ZAR1L: variants seen among roughly 807,000 people sequenced by gnomAD.
The protein encoded by ZAR1L is protein ZAR1-like.
In ZAR1L, 16 loss-of-function variants were observed where a neutral mutation model predicts 30.0. The observed-to-expected ratio is 0.53, with a 90% CI of 0.36 to 0.81. ZAR1L has a LOEUF of 0.81. Ranked by LOEUF, ZAR1L falls within the 30% of genes least tolerant of loss-of-function variation. The pLI is 0.00. For missense variants in ZAR1L, 392 were observed against 417.2 expected, an observed-to-expected ratio of 0.94 and a Z score of 0.53; for synonymous variants, 197 against 166.8, an observed-to-expected ratio of 1.18 and a Z score of -1.40.
chr13:32,307,654 G>A (rs1309257603), intron 5 of ZAR1L, among the ~76,000 whole-genome samples: 1 of 150,584 alleles, frequency 6.6e-6, no homozygotes. Context: ...GCGAACACAA[G>A]AGAAAAGAAA....
chr13:32,304,368 A>G (rs2072159117), intron 5 of ZAR1L, among the ~76,000 whole-genome samples: 1 of 152,248 alleles, frequency 6.6e-6, no homozygotes, highest in Non-Finnish European at 1.5e-5. Flanking sequence ...AGAGAAAAAA[A>G]TAAGTCAAGA....
intron 2 of ZAR1L, among the ~76,000 whole-genome samples, chr13:32,312,465 C>T (rs1051315403): frequency 6.6e-6 from 1 of 152,176 alleles, no homozygotes; most frequent in Non-Finnish European, 1.5e-5. Context: ...CTTCCTTGTT[C>T]GTTGTAGCAT....
Position 32,311,563 on chromosome 13 carries a change from T to C in ZAR1L, c.363A>G (p.Arg121=), listed in dbSNP as rs2072213760. 3 of 1,534,890 alleles carry C rather than the reference T, an allele frequency of 2.0e-6. No individual in the cohort carries two copies. The highest frequency in any genetic ancestry group is 1.8e-6 in the Non-Finnish European group (2 of 1,139,324). Residue 121 remains arginine (R), a synonymous_variant, in exon 3 of 6, where the codon AGA becomes AGG. Coordinates refer to ENST00000533490, the MANE Select transcript of ZAR1L (RefSeq NM_001136571.2). ...TLSSCSPWDG[R]DPQEPLPACG... ...AGGCTGGCAGGGGCTCCTGGGGGTC[T>C]CTGCCGTCCCAGGGGGAGCAGCTGC...
chr13:32,311,386 C>A lies in ZAR1L; in HGVS notation c.540G>T (p.Glu180Asp), dbSNP rs2072211243. The A allele has an allele frequency of 1.9e-6, 3 of 1,550,708 alleles. No individual in the cohort carries two copies. Among genetic ancestry groups the A allele is most frequent in the African/African-American group, 1.4e-5 (1 of 73,190 alleles). ...CCCCCGATTCCTCCAGCTGCCCGGG[C>A]TCCTCCTGCCTGTCAGCTCCTGACC... Reference protein sequence around the residue: ...SRRSGADRQEEPGQLEESGEK... With the variant: ...SRRSGADRQEDPGQLEESGEK... The change falls in exon 3 of 6, where the codon GAG (glutamate) becomes GAT (aspartate). Residue 180 changes from glutamate (E) to aspartate (D), a missense_variant. By Grantham distance (45) the Glu-to-Asp change is conservative (BLOSUM62 2). Coordinates refer to ENST00000533490, the MANE Select transcript of ZAR1L (RefSeq NM_001136571.2).
chr13:32,312,877 G>A lies in ZAR1L; in HGVS notation c.-168-784C>T, dbSNP rs1016595897. Among the ~76,000 whole-genome samples the A allele has an allele frequency of 8.5e-5, 13 of 152,080 alleles. No homozygotes were observed. The South Asian group carries it at 1.0e-3, about 12-fold the overall frequency. On this transcript the variant is annotated intron_variant, in intron 2 of 5. Coordinates refer to ENST00000533490, the MANE Select transcript of ZAR1L (RefSeq NM_001136571.2). ...TGGGCAACAGAGAGAGAAAGACTCC[G>A]TCTCAAACAAACAAACAAACAAAAA...
intron 3 of ZAR1L, 124 bp downstream of exon 3, chr13:32,311,148 C>CCT: frequency 8.4e-7 from 1 of 1,186,348 alleles, no homozygotes; most frequent in Non-Finnish European, 1.1e-6. Context: ...TTCAGAGCTC[C>CCT]CTCTCCTTCA....
Position 32,310,661 on chromosome 13 carries a change from C to T in ZAR1L, c.725G>A (p.Trp242Ter). 1 of 1,551,634 alleles carries T rather than the reference C, an allele frequency of 6.4e-7. No homozygotes were observed. The highest frequency in any genetic ancestry group is 1.2e-5 in the South Asian group (1 of 84,052). ...TACCTTGTTCGTTCCAGAAATGCAC[C>T]ACACGTAAGCACTCTCCCACCTGGT... ...CKTRWESAYV[W>*]CISGTNKVYF... Residue 242 changes from tryptophan to a stop codon, truncating the protein, a stop_gained, in exon 4 of 6, where the codon TGG becomes TAG. Coordinates refer to ENST00000533490, the MANE Select transcript of ZAR1L (RefSeq NM_001136571.2). LOFTEE classifies it high-confidence loss of function.
intron 2 of ZAR1L, among the ~76,000 whole-genome samples, chr13:32,312,712 T>C (rs2072223286): frequency 6.6e-6 from 1 of 152,116 alleles, no homozygotes; most frequent in African/African-American, 2.4e-5. Flanking sequence ...ACCCTGCCTC[T>C]AATAAAAATA....
intron 5 of ZAR1L, among the ~76,000 whole-genome samples, chr13:32,304,809 CT>C (rs776182055): frequency 0.014 from 1,950 of 136,070 alleles, 23 homozygotes; most frequent in African/African-American, 0.045. Context: ...CAAGATTTAC[CT>C]TTTTTTTTTT....
chr13:32,310,570 T>C (rs575859716), intron 4 of ZAR1L, 69 bp downstream of exon 4: 2 of 1,063,870 alleles, frequency 1.9e-6, no homozygotes, highest in Admixed American at 4.3e-5. Flanking sequence ...CCCTCAGGAA[T>C]CAGATTCTTC....
At chr13:32,309,916 C>T (rs1185566530) in intron 4 of ZAR1L, among the ~76,000 whole-genome samples, 1 of 152,208 alleles carries the variant, frequency 6.6e-6, no homozygotes, top group Non-Finnish European at 1.5e-5. Flanking sequence ...TGCCTTTTTG[C>T]CCTCTCTCTC....
At position 32,303,895 on chromosome 13, in the gene ZAR1L, A is replaced by G. The variant is rs1193681018; in HGVS notation, c.950T>C (p.Phe317Ser). The G allele has an allele frequency of 6.4e-7, 1 of 1,551,670 alleles. No homozygotes were observed. The highest frequency in any genetic ancestry group is 8.7e-7 in the Non-Finnish European group (1 of 1,146,968). Residue 317 changes from phenylalanine to serine, a missense_variant, in exon 6 of 6, where the codon TTT becomes TCT. Coordinates refer to ENST00000533490, the MANE Select transcript of ZAR1L (RefSeq NM_001136571.2). ...CTGTACAAGTCACATCACATATTTA[A>G]AGCTGTAAATATTGCCACAGGAGAA... is the stretch of plus-strand genomic sequence containing the variant. ...KRFSCGNIYS[F>S]KYVM is the part of the protein sequence containing the mutation.
At chr13:32,304,491 C>G (rs1235058747) in intron 5 of ZAR1L, among the ~76,000 whole-genome samples, 1 of 152,158 alleles carries the variant, frequency 6.6e-6, no homozygotes, top group Non-Finnish European at 1.5e-5. Context: ...CAGATGTTCT[C>G]AACCAGGGGT....
At chr13:32,304,809 C>CTTTTT (rs776182055) in intron 5 of ZAR1L, among the ~76,000 whole-genome samples, 1 of 136,130 alleles carries the variant, frequency 7.3e-6, no homozygotes, top group Non-Finnish European at 1.6e-5. Context: ...CAAGATTTAC[C>CTTTTT]TTTTTTTTTT....
At chr13:32,305,346 C>T (rs2072166649) in intron 5 of ZAR1L, among the ~76,000 whole-genome samples, 1 of 152,058 alleles carries the variant, frequency 6.6e-6, no homozygotes, top group Non-Finnish European at 1.5e-5. Flanking sequence ...CCTGCCTCAG[C>T]CTCCTGAGTA....
chr13:32,304,418 G>A (rs2072159379), intron 5 of ZAR1L, among the ~76,000 whole-genome samples: 3 of 152,176 alleles, frequency 2.0e-5, no homozygotes, highest in Non-Finnish European at 4.4e-5. Flanking sequence ...GTTTAGATTT[G>A]TAGGCAGGTC....
intron 5 of ZAR1L, among the ~76,000 whole-genome samples, chr13:32,306,628 A>C (rs1470092858): frequency 3.3e-5 from 5 of 152,200 alleles, no homozygotes; most frequent in African/African-American, 1.2e-4. Context: ...CAGCGAAAAT[A>C]TCTCTTAAAA....
Position 32,310,646 on chromosome 13 carries a change from G to C in ZAR1L, c.740C>G (p.Thr247Arg), listed in dbSNP as rs1189393990. 6.5e-7 allele frequency: 1 copy of C among 1,548,980 alleles called. No homozygotes were observed. The highest frequency in any genetic ancestry group is 8.7e-7 in the Non-Finnish European group (1 of 1,144,752). ...ESAYVWCISG[T>R]NKVYFKQLCC... ...CCTACTCTTTTTATTTACCTTGTTC[G>C]TTCCAGAAATGCACCACACGTAAGC... Residue 247 changes from threonine to arginine, a missense_variant, in exon 4 of 6, where the codon ACG becomes AGG. Physicochemically the swap from Thr to Arg is moderately conservative, Grantham distance 71. Transcript: ENST00000533490.
chr13:32,307,810 T>C (rs372966794), intron 5 of ZAR1L, among the ~76,000 whole-genome samples: 4 of 152,158 alleles, frequency 2.6e-5, no homozygotes, highest in African/African-American at 7.2e-5. Context: ...ATTTATTAAT[T>C]AATTATTTTT....
Sources: gnomAD v4.1 joint callset for allele counts (sites outside exome capture counted in the v4.1 genomes callset) on GRCh38, gnomAD v4.1.1 for gene constraint, MANE v1.5 for transcripts, NCBI Gene and HGNC (gene_info 2026-07-23, HGNC 2026-07-21) for gene names.